The following RAB27A variants were observed in gnomAD, a reference collection of about 807,000 sequenced individuals.
RAB27A encodes the protein RAB27A, member RAS oncogene family.
RAB27A carries 17 observed loss-of-function variants against 20.8 expected under a neutral mutation model. The observed-to-expected ratio is 0.82, with a 90% CI of 0.56 to 1.23. The LOEUF (loss-of-function observed/expected upper bound fraction) is 1.23, where lower values mean the gene tolerates loss of function less well. Ranked by LOEUF, RAB27A falls within the 50% of genes most tolerant of loss-of-function variation. RAB27A has a pLI of 0.00. For missense variants in RAB27A, 277 were observed against 266.7 expected (o/e 1.04, Z -0.27); for synonymous variants, 85 against 92.8 (o/e 0.92, Z 0.48).
intron 6 of RAB27A, among the ~76,000 whole-genome samples, chr15:55,216,814 G>A (rs1895328095): frequency 6.6e-6 from 1 of 152,074 alleles, no homozygotes; most frequent in African/African-American, 2.4e-5. Context: ...TGCCTCCAAA[G>A]CATTTGCCTC....
At chr15:55,213,794 C>T (rs1895136963) in intron 6 of RAB27A, among the ~76,000 whole-genome samples, 1 of 152,156 alleles carries the variant, frequency 6.6e-6, no homozygotes, top group African/African-American at 2.4e-5. Flanking sequence ...AAAACAAGCT[C>T]AGGGCTCCCA....
intron 2 of RAB27A, among the ~76,000 whole-genome samples, chr15:55,267,945 G>C (rs1321553547): frequency 6.6e-6 from 1 of 152,120 alleles, no homozygotes. Context: ...GAAGCACCAA[G>C]AAAGAAGAAA....
intron 2 of RAB27A, among the ~76,000 whole-genome samples, chr15:55,301,874 G>C (rs2054973624): frequency 6.6e-6 from 1 of 151,832 alleles, no homozygotes; most frequent in African/African-American, 2.4e-5. Context: ...TTGAACTCCT[G>C]ACCTCATGTG....
At chr15:55,239,910 G>C (rs142434021) in intron 2 of RAB27A, among the ~76,000 whole-genome samples, 1 of 152,260 alleles carries the variant, frequency 6.6e-6, no homozygotes, top group Middle Eastern at 3.4e-3. Flanking sequence ...TTGCAGTCCA[G>C]TTAGTGAAAG....
chr15:55,206,018 C>T (rs1278774499), intron 6 of RAB27A, among the ~76,000 whole-genome samples: 4 of 151,846 alleles, frequency 2.6e-5, no homozygotes, highest in African/African-American at 9.7e-5. Context: ...TAAGACCAGC[C>T]TGGCCAACAT....
intron 2 of RAB27A, among the ~76,000 whole-genome samples, chr15:55,301,025 G>T (rs1408598425): frequency 6.6e-6 from 1 of 152,128 alleles, no homozygotes; most frequent in East Asian, 1.9e-4. Context: ...GACTTTGATG[G>T]CCACTGGATA....
rs200241598 is a variant in RAB27A, at chr15:55,234,851, T to C, written c.84A>G (p.Gln28=). The C allele has an allele frequency of 2.5e-6, 4 of 1,610,914 alleles. No individual in the cohort carries two copies. In the South Asian group the frequency reaches 3.3e-5, roughly 13 times the overall value. The part of the protein sequence containing the change: ...SGVGKTSVLY[Q]YTDGKFNSKF... ...TGGAGTTAAATTTACCATCTGTATA[T>C]TGGTAAAGTACACTGGTCTTCCCTA... Residue 28 remains glutamine, a synonymous_variant, in exon 3 of 7, where the codon CAA becomes CAG. Transcript: ENST00000336787.
At chr15:55,276,194 C>T (rs900585982) in intron 1 of RAB27A, among the ~76,000 whole-genome samples, 1 of 152,088 alleles carries the variant, frequency 6.6e-6, no homozygotes, top group East Asian at 1.9e-4. Context: ...TTCACAATAG[C>T]CAAGACTTAG....
At chr15:55,229,568 G>A (rs940432877) in intron 4 of RAB27A, among the ~76,000 whole-genome samples, 22 of 152,042 alleles carry the variant, frequency 1.4e-4, no homozygotes, top group African/African-American at 3.9e-4. Flanking sequence ...CCAGCTAATC[G>A]GGAGGCTGAG....
At chr15:55,287,697 AG>A (rs1898194121) in intron 1 of RAB27A, among the ~76,000 whole-genome samples, 1 of 152,064 alleles carries the variant, frequency 6.6e-6, no homozygotes, top group Non-Finnish European at 1.5e-5. Context: ...CAGTGAGCTG[AG>A]ATCGTGCCAT....
At chr15:55,291,619 A>G (rs1234091720), upstream of RAB27A, among the ~76,000 whole-genome samples, 3 of 151,932 alleles carry the variant, frequency 2.0e-5, no homozygotes, top group Non-Finnish European at 4.4e-5. Context: ...CTGGGAAACC[A>G]ATAATGTAGT....
chr15:55,239,346 G>A (rs73409881), intron 2 of RAB27A, among the ~76,000 whole-genome samples: 1,590 of 152,244 alleles, frequency 0.01, 35 homozygotes, highest in African/African-American at 0.037. Flanking sequence ...AATGTAAAAT[G>A]ACAATCAGAA....
At chr15:55,308,924 A>G (rs531869788) in intron 2 of RAB27A, among the ~76,000 whole-genome samples, 4 of 152,124 alleles carry the variant, frequency 2.6e-5, no homozygotes, top group Admixed American at 1.3e-4. Context: ...CACTACATCA[A>G]TTTCCTTATT....
chr15:55,299,315 C>A (rs763586166), intron 2 of RAB27A, among the ~76,000 whole-genome samples: 1 of 152,200 alleles, frequency 6.6e-6, no homozygotes, highest in Admixed American at 6.5e-5. Context: ...GCAACAGGGC[C>A]GGCCACGGTG....
intron 2 of RAB27A, among the ~76,000 whole-genome samples, chr15:55,308,994 T>A (rs971496808): frequency 8.5e-5 from 13 of 152,182 alleles, no homozygotes; most frequent in Non-Finnish European, 1.6e-4. Flanking sequence ...CCTAGAGCTA[T>A]TCCTGGTTTT....
intron 2 of RAB27A, among the ~76,000 whole-genome samples, chr15:55,242,605 T>C (rs946266209): frequency 2.0e-5 from 3 of 152,220 alleles, no homozygotes; most frequent in Non-Finnish European, 4.4e-5. Context: ...TGTAATTTTA[T>C]AACCTATTCT....
intron 2 of RAB27A, among the ~76,000 whole-genome samples, chr15:55,245,686 T>C (rs547400651): frequency 1.3e-5 from 2 of 152,242 alleles, no homozygotes; most frequent in African/African-American, 2.4e-5. Flanking sequence ...ACTTGCTACA[T>C]AGGAATATTC....
chr15:55,282,673 T>G (rs944698997), intron 1 of RAB27A, among the ~76,000 whole-genome samples: 1 of 152,262 alleles, frequency 6.6e-6, no homozygotes, highest in African/African-American at 2.4e-5. Flanking sequence ...GTGTAACCCT[T>G]CAGGTACACG....
chr15:55,273,417 A>T (rs563742889), intron 1 of RAB27A, among the ~76,000 whole-genome samples: 33 of 150,808 alleles, frequency 2.2e-4, no homozygotes, highest in South Asian at 1.0e-3. Flanking sequence ...TCAAAAAAAA[A>T]AAAATAAAAA....
Sources: allele counts gnomAD v4.1 joint callset (sites outside exome capture counted in the v4.1 genomes callset), GRCh38; gene constraint gnomAD v4.1.1; transcripts MANE v1.5; gene names NCBI Gene and HGNC (gene_info 2026-07-23, HGNC 2026-07-21).